The following PDE12 variants were observed in gnomAD, a reference collection of about 807,000 sequenced individuals.
The protein encoded by PDE12 is phosphodiesterase 12, also known as 2',5'-phosphodiesterase 12.
In PDE12, 26 loss-of-function variants were observed where a neutral mutation model predicts 45.4. The observed-to-expected ratio is 0.57, with a 90% confidence interval of 0.42 to 0.79. The LOEUF (loss-of-function observed/expected upper bound fraction) is 0.79, where lower values mean the gene tolerates loss of function less well. PDE12 is among the 30% of genes least tolerant of loss of function. The probability of loss-of-function intolerance (pLI) is 0.00; values close to 1 mark genes in which losing one functional copy is unlikely to be tolerated. For missense variants in PDE12, 668 were observed against 790.0 expected, an observed-to-expected ratio of 0.85 and a Z score of 1.85; for synonymous variants, 283 against 323.9, an observed-to-expected ratio of 0.87 and a Z score of 1.36.
At chr3:57,604,657 G>T in the PDE12 span, among the ~76,000 whole-genome samples, 2 of 140,734 alleles carry the variant, frequency 1.4e-5, no homozygotes, top group South Asian at 2.3e-4. Flanking sequence ...CTGTTACCCA[G>T]GCTGGAATGC....
Position 57,561,216 on chromosome 3 carries a change from A to G in PDE12, c.*1212A>G. 1.0e-6 allele frequency: 1 copy of G among 984,790 alleles called. No individual in the cohort carries two copies. Among genetic ancestry groups the G allele is most frequent in the Non-Finnish European group, 1.2e-6 (1 of 828,966 alleles). 61.0% of individuals were successfully genotyped at this position (984,790 alleles called of 1,614,324 possible). A position where few individuals can be genotyped will look rare whatever the true frequency, so the allele number is the denominator to read the frequency against. ...ATGATATTAGAAAATACAGCACATT[A>G]CTTTATGAGAAACTACCTACTGATA... is the stretch of plus-strand genomic sequence containing the variant. On this transcript the variant is annotated 3_prime_UTR_variant, in exon 3 of 3. Transcript: ENST00000311180.
At chr3:57,570,259 C>T (rs2069826528), downstream of PDE12, among the ~76,000 whole-genome samples, 1 of 124,732 alleles carries the variant, frequency 8.0e-6, no homozygotes, top group African/African-American at 3.3e-5. Flanking sequence ...GTCTTGCAGA[C>T]CGTGTGCAGT....
At chr3:57,652,686 A>C in the PDE12 span, among the ~76,000 whole-genome samples, 1 of 152,248 alleles carries the variant, frequency 6.6e-6, no homozygotes, top group Non-Finnish European at 1.5e-5. Flanking sequence ...AGGATACCAC[A>C]TTAATCAAGT....
Position 57,562,211 on chromosome 3 carries a change from A to G in PDE12, c.*2207A>G. ...GAACATGCCCATGAAAAAAGCATAC[A>G]GCTTCCACATTAACACTGGCTAGAT... On this transcript the variant is annotated 3_prime_UTR_variant, in exon 3 of 3. Coordinates refer to ENST00000311180, the MANE Select transcript of PDE12 (RefSeq NM_177966.7). The G allele has an allele frequency of 1.6e-6, 1 of 621,680 alleles. No individual in the cohort carries two copies. Among genetic ancestry groups the G allele is most frequent in the Non-Finnish European group, 2.0e-6 (1 of 497,816 alleles). The allele number at this position is 621,680 out of a possible 1,614,324, so 38.5% of individuals were successfully genotyped here. A position where few individuals can be genotyped will look rare whatever the true frequency, so the allele number is the denominator to read the frequency against.
chr3:57,618,833 C>T, the PDE12 span, among the ~76,000 whole-genome samples: 2 of 151,754 alleles, frequency 1.3e-5, no homozygotes, highest in Non-Finnish European at 2.9e-5. Context: ...GTCTCAAACT[C>T]CTGGGCTCAA....
At chr3:57,645,862 T>C in the PDE12 span, 2 of 718,494 alleles carry the variant, frequency 2.8e-6, no homozygotes, top group Non-Finnish European at 4.5e-6. Flanking sequence ...AGGGATACTT[T>C]GTTTATTTTA....
At chr3:57,606,915 G>C in the PDE12 span, among the ~76,000 whole-genome samples, 1 of 152,138 alleles carries the variant, frequency 6.6e-6, no homozygotes, top group Non-Finnish European at 1.5e-5. Context: ...TCCCAGCATG[G>C]AGTCTGAGAT....
In PDE12 at chr3:57,565,688, G is replaced by A. The variant is rs2069780125; in HGVS notation, c.*5684G>A. On this transcript the variant is annotated 3_prime_UTR_variant, in exon 3 of 3. Transcript: ENST00000311180. Reference sequence around the variant, plus strand: ...ATGGTGGCGCGCGCCTGTAGTCTCAGCTGCTTGGGGAGGCTGAGGCAGGAG... The same window carrying A: ...ATGGTGGCGCGCGCCTGTAGTCTCAACTGCTTGGGGAGGCTGAGGCAGGAG... 1 of 152,226 alleles carries A rather than the reference G, an allele frequency of 6.6e-6. No homozygotes were observed. The highest frequency in any genetic ancestry group is 1.5e-5 in the Non-Finnish European group (1 of 68,114). The allele number at this position is 152,226 out of a possible 1,614,324, so 9.4% of individuals were successfully genotyped here. A position where few individuals can be genotyped will look rare whatever the true frequency, so the allele number is the denominator to read the frequency against.
the PDE12 span, among the ~76,000 whole-genome samples, chr3:57,639,573 A>G: frequency 6.6e-6 from 1 of 152,226 alleles, no homozygotes; most frequent in Non-Finnish European, 1.5e-5. Flanking sequence ...CTCATATCCA[A>G]GACTCTAGCA....
At chr3:57,568,855 G>A (rs1194900899), downstream of PDE12, among the ~76,000 whole-genome samples, 1 of 63,636 alleles carries the variant, frequency 1.6e-5, no homozygotes, top group African/African-American at 8.0e-5. Context: ...GAAATGTTAT[G>A]GACAAAAAAA....
At chr3:57,597,285 C>T in the PDE12 span, 10 of 726,454 alleles carry the variant, frequency 1.4e-5, no homozygotes, top group South Asian at 1.8e-4. Context: ...GTCTCAGTGG[C>T]CCCTGTGCCG....
At chr3:57,598,438 C>T in the PDE12 span, among the ~76,000 whole-genome samples, 1 of 152,186 alleles carries the variant, frequency 6.6e-6, no homozygotes, top group Admixed American at 6.5e-5. Context: ...ACTACCTTAT[C>T]TACCCTTCAG....
chr3:57,644,788 GGGGAGGGGAGGGGTGGGGAGGGGA>G, the PDE12 span, among the ~76,000 whole-genome samples: 1 of 10,960 alleles, frequency 9.1e-5, no homozygotes, highest in Non-Finnish European at 1.5e-4. Context: ...GGGGAGGGGT[GGGGAGGGGAGGGGTGGGGAGGGGA>G]GGGGAGGGGG....
At position 57,556,970 on chromosome 3, in the gene PDE12, G is replaced by T; in HGVS notation, c.591G>T (p.Trp197Cys). The change falls in exon 1 of 3, where the codon TGG becomes TGT. Residue 197 changes from tryptophan (W) to cysteine (C), a missense_variant. This residue lies in a region of PDE12 where 580 missense variants were observed against 662.9 expected (regional missense o/e 0.87). Coordinates refer to ENST00000311180, the MANE Select transcript of PDE12 (RefSeq NM_177966.7). This position sits in a 1 kb window ranked among gnomAD's most constrained non-coding sequence, Gnocchi z 5.0. ...FGDPASSLFR[W>C]YKEAKPGAAE... ...ATCCCGCCAGCTCCCTTTTCCGCTG[G>T]TATAAGGAAGCCAAGCCCGGAGCGG... 6.2e-7 allele frequency: 1 copy of T among 1,614,198 alleles called. No homozygotes were observed. Among genetic ancestry groups the T allele is most frequent in the Non-Finnish European group, 8.5e-7 (1 of 1,180,030 alleles).
chr3:57,610,854 A>G, the PDE12 span, among the ~76,000 whole-genome samples: 2 of 152,156 alleles, frequency 1.3e-5, no homozygotes, highest in Non-Finnish European at 2.9e-5. Flanking sequence ...CAAGCTACCA[A>G]TGACTTTCTT....
the PDE12 span, among the ~76,000 whole-genome samples, chr3:57,628,613 C>T: frequency 1.8e-4 from 28 of 152,218 alleles, no homozygotes; most frequent in African/African-American, 6.7e-4. Context: ...ATATACATAA[C>T]GTTAGAATAA....
the PDE12 span, chr3:57,646,556 C>A: frequency 2.3e-5 from 31 of 1,322,954 alleles, no homozygotes; most frequent in Non-Finnish European, 2.8e-5. Context: ...TATTTGTATC[C>A]TGATCTGATA....
chr3:57,600,605 A>G, the PDE12 span: 1 of 151,768 alleles, frequency 6.6e-6, no homozygotes, highest in Non-Finnish European at 1.5e-5. Context: ...TGTAGAGACC[A>G]GCATGTTGCC....
At position 57,560,494 on chromosome 3, in the gene PDE12, T is replaced by C; in HGVS notation, c.*490T>C. On this transcript the variant is annotated 3_prime_UTR_variant, in exon 3 of 3. Coordinates refer to ENST00000311180, the MANE Select transcript of PDE12 (RefSeq NM_177966.7). ...GCGTGCGCCAACATGTCTGGCTAAT[T>C]TTTGTATTTTTAGTAGAAATGGGGT... 2.3e-6 allele frequency: 1 copy of C among 427,506 alleles called. No individual in the cohort carries two copies. The highest frequency in any genetic ancestry group is 3.1e-6 in the Non-Finnish European group (1 of 319,810). 26.5% of individuals were successfully genotyped at this position (427,506 alleles called of 1,614,324 possible).
Sources: gnomAD v4.1 joint callset for allele counts (sites outside exome capture counted in the v4.1 genomes callset) on GRCh38, gnomAD v4.1.1 for gene constraint, gnomAD v4.1.1 regional missense constraint, Gnocchi (gnomAD v3.1) non-coding constraint, MANE v1.5 for transcripts, NCBI Gene and HGNC (gene_info 2026-07-23, HGNC 2026-07-21) for gene names.